The following PDE4B variants were observed in gnomAD, a reference collection of about 807,000 sequenced individuals.
The protein encoded by PDE4B is phosphodiesterase 4B, also known as 3',5'-cyclic-AMP phosphodiesterase 4B.
Under a neutral mutation model 82.2 loss-of-function variants are expected in PDE4B, and 20 were observed. The ratio of observed to expected loss-of-function variants is 0.24; its 90% CI spans 0.17 to 0.35. PDE4B has a LOEUF of 0.35. Among genes scored for constraint, PDE4B ranks in the 10% least tolerant of loss-of-function variants. The pLI is 1.00. For missense variants in PDE4B, 655 were observed against 907.2 expected (o/e 0.72, Z 3.57); for synonymous variants, 320 against 318.9 (o/e 1.00, Z -0.04).
intron 3 of PDE4B, among the ~76,000 whole-genome samples, chr1:65,921,195 C>G (rs532179599): frequency 2.1e-4 from 32 of 151,818 alleles, no homozygotes; most frequent in Middle Eastern, 3.4e-3. Context: ...GTCTCGATCT[C>G]CTGACCTCGT....
intron 8 of PDE4B, among the ~76,000 whole-genome samples, chr1:66,353,171 CA>C (rs760672109): frequency 6.6e-6 from 1 of 152,158 alleles, no homozygotes; most frequent in Non-Finnish European, 1.5e-5. Context: ...ACCTGGGATT[CA>C]AAATTGCACA....
intron 1 of PDE4B, among the ~76,000 whole-genome samples, chr1:65,895,056 A>C (rs904104530): frequency 1.3e-5 from 2 of 152,186 alleles, no homozygotes; most frequent in Non-Finnish European, 2.9e-5. Flanking sequence ...AAATTAAAAC[A>C]TATGTCTTTA....
chr1:66,208,306 A>G (rs1253268975), intron 3 of PDE4B, among the ~76,000 whole-genome samples: 1 of 152,164 alleles, frequency 6.6e-6, no homozygotes, highest in East Asian at 1.9e-4. Flanking sequence ...CCCACTCCAG[A>G]TAACAACTGT....
chr1:66,084,130 T>C (rs1485983088), intron 3 of PDE4B, among the ~76,000 whole-genome samples: 2 of 152,034 alleles, frequency 1.3e-5, no homozygotes, highest in Admixed American at 6.6e-5. Context: ...ACAAGAGAGA[T>C]AGAAAATATA....
chr1:66,242,376 T>C (rs1275002436), intron 3 of PDE4B, among the ~76,000 whole-genome samples: 1 of 152,184 alleles, frequency 6.6e-6, no homozygotes, highest in Non-Finnish European at 1.5e-5. Flanking sequence ...GCAAGAGCTC[T>C]CTCCCAAAAG....
At chr1:66,262,250 AT>A (rs139139594) in intron 6 of PDE4B, among the ~76,000 whole-genome samples, 1 of 152,224 alleles carries the variant, frequency 6.6e-6, no homozygotes, top group Non-Finnish European at 1.5e-5. Context: ...ACCTAGCCAA[AT>A]TTCCTCAGAT....
intron 3 of PDE4B, among the ~76,000 whole-genome samples, chr1:66,061,256 A>G (rs769370503): frequency 6.7e-6 from 1 of 149,526 alleles, no homozygotes; most frequent in Non-Finnish European, 1.5e-5. Flanking sequence ...TTCATACTAG[A>G]TAATAACTGA....
Position 66,372,433 on chromosome 1 carries a change from A to G in PDE4B, c.1966A>G (p.Ile656Val), listed in dbSNP as rs371876952. 12 of 1,614,038 alleles carry G rather than the reference A, an allele frequency of 7.4e-6. No homozygotes were observed. The African/African-American group carries it at 1.6e-4, about 22-fold the overall frequency. Reference sequence around the variant, plus strand: ...TAACAGGAACTGGTATCAGAGCATGATACCTCAAAGTCCCTCACCACCACT... The same window carrying G: ...TAACAGGAACTGGTATCAGAGCATGGTACCTCAAAGTCCCTCACCACCACT... The part of the protein sequence containing the change: ...EDNRNWYQSM[I>V]PQSPSPPLDE... The change falls in exon 17 of 17, where the codon ATA (isoleucine) becomes GTA (valine). Residue 656 changes from isoleucine to valine, a missense_variant. Ile to Val is a conservative substitution (Grantham distance 29, BLOSUM62 3). This residue lies in a region of PDE4B where 119 missense variants were observed against 115.2 expected (regional missense o/e 1.03). Coordinates refer to ENST00000341517, the MANE Select transcript of PDE4B (RefSeq NM_002600.4).
intron 7 of PDE4B, among the ~76,000 whole-genome samples, chr1:66,323,565 T>A (rs1319793076): frequency 1.3e-5 from 2 of 152,196 alleles, no homozygotes; most frequent in African/African-American, 4.8e-5. Context: ...ATTTTACTCA[T>A]TAATTATTTA....
At chr1:66,368,265 T>G in intron 15 of PDE4B, 200 bp downstream of exon 15, 1 of 543,604 alleles carries the variant, frequency 1.8e-6, no homozygotes, top group Non-Finnish European at 3.2e-6. Context: ...ATAATCTCTA[T>G]TTGTGGAACT....
At chr1:66,321,878 CA>C (rs1659429219) in intron 7 of PDE4B, among the ~76,000 whole-genome samples, 2 of 147,788 alleles carry the variant, frequency 1.4e-5, no homozygotes, top group Non-Finnish European at 2.9e-5. Context: ...AATCCTAAGC[CA>C]AAAGAACAAA....
intron 3 of PDE4B, among the ~76,000 whole-genome samples, chr1:66,235,633 T>C (rs1281885034): frequency 1.3e-5 from 2 of 152,238 alleles, no homozygotes; most frequent in Non-Finnish European, 2.9e-5. Context: ...CAGGTCATGC[T>C]TTTTTAATCC....
At position 66,013,348 on chromosome 1, in the gene PDE4B, C is replaced by T. The variant is rs181705812; in HGVS notation, c.281+94513C>T. Among the ~76,000 whole-genome samples the T allele has an allele frequency of 5.6e-3, 854 of 152,126 alleles. 8 individuals carry two copies. Among genetic ancestry groups the T allele is most frequent in the Middle Eastern group, 0.014 (4 of 294 alleles). ...TTCATTCAGAAGTGTCAATGGATCC[C>T]GTTATCCAAGGATAACCTATATTTA... On this transcript the variant is annotated intron_variant, in intron 3 of 16. Coordinates refer to ENST00000341517, the MANE Select transcript of PDE4B (RefSeq NM_002600.4).
At chr1:65,825,033 T>A (rs2101260971) in intron 1 of PDE4B, among the ~76,000 whole-genome samples, 1 of 152,332 alleles carries the variant, frequency 6.6e-6, no homozygotes. Context: ...GCAGACATGA[T>A]TAACTGGTGA....
chr1:66,085,453 A>G (rs1656956474), intron 3 of PDE4B, among the ~76,000 whole-genome samples: 1 of 152,132 alleles, frequency 6.6e-6, no homozygotes, highest in African/African-American at 2.4e-5. Context: ...TTATGACAGA[A>G]GTGCAAACAG....
chr1:66,079,237 T>C (rs12048400), intron 3 of PDE4B, among the ~76,000 whole-genome samples: 10,292 of 151,474 alleles, frequency 0.068, 646 homozygotes, highest in East Asian at 0.26. Context: ...TTTCATTTAA[T>C]GCTTTTTTAT....
intron 3 of PDE4B, chr1:66,042,690 G>A (rs1654453137): frequency 6.6e-6 from 1 of 151,630 alleles, no homozygotes; most frequent in Non-Finnish European, 1.5e-5. Context: ...CAAGCAGTCT[G>A]GACTTAATAA....
intron 3 of PDE4B, among the ~76,000 whole-genome samples, chr1:66,040,259 G>A (rs1210041999): frequency 6.6e-6 from 1 of 151,998 alleles, no homozygotes; most frequent in Non-Finnish European, 1.5e-5. Context: ...GGATACTCAA[G>A]CCCTGACTAC....
At chr1:65,961,248 A>G (rs1013729629) in intron 3 of PDE4B, among the ~76,000 whole-genome samples, 1 of 152,148 alleles carries the variant, frequency 6.6e-6, no homozygotes. Context: ...CTGAGCAAAG[A>G]CTTGAATGAA....
Sources: gnomAD v4.1 joint callset for allele counts (sites outside exome capture counted in the v4.1 genomes callset) on GRCh38, gnomAD v4.1.1 for gene constraint, gnomAD v4.1.1 regional missense constraint, MANE v1.5 for transcripts, NCBI Gene and HGNC (gene_info 2026-07-23, HGNC 2026-07-21) for gene names.